RECK: variants seen among roughly 807,000 people sequenced by gnomAD.
RECK encodes reversion-inducing cysteine-rich protein with Kazal motifs.
RECK carries 69 observed loss-of-function variants against 115.1 expected under a neutral mutation model. The observed-to-expected ratio is 0.60, with a 90% confidence interval of 0.49 to 0.73. The LOEUF is 0.73. Among genes scored for constraint, RECK ranks in the 30% least tolerant of loss-of-function variants. The pLI is 0.00. For missense variants in RECK, 1,047 were observed against 1,203.7 expected (o/e 0.87, Z 1.93); for synonymous variants, 414 against 419.7 (o/e 0.99, Z 0.17).
intron 8 of RECK, among the ~76,000 whole-genome samples, chr9:36,084,584 A>G (rs1822867461): frequency 6.7e-6 from 1 of 149,614 alleles, no homozygotes; most frequent in Non-Finnish European, 1.5e-5. Flanking sequence ...AATCCCAGCT[A>G]CTCGGGAGGC....
intron 10 of RECK, among the ~76,000 whole-genome samples, chr9:36,095,937 A>T (rs1254022719): frequency 1.3e-5 from 2 of 150,574 alleles, no homozygotes; most frequent in Non-Finnish European, 3.0e-5. Context: ...TTAGCCAGGC[A>T]TGGTGGCGGG....
intron 17 of RECK, 87 bp downstream of exon 17, chr9:36,117,264 C>T: frequency 9.3e-7 from 1 of 1,070,232 alleles, no homozygotes; most frequent in Non-Finnish European, 1.3e-6. Context: ...GTAAGACCAG[C>T]CGAGGGTCTT....
intron 18 of RECK, among the ~76,000 whole-genome samples, chr9:36,120,160 G>A (rs969072182): frequency 4.6e-5 from 7 of 151,992 alleles, no homozygotes; most frequent in African/African-American, 1.5e-4. Flanking sequence ...GCATGAACCC[G>A]GGAGGCGGAG....
At chr9:36,037,134 G>C in intron 1 of RECK, 36 bp downstream of exon 1, 1 of 1,238,004 alleles carries the variant, frequency 8.1e-7, no homozygotes, top group Non-Finnish European at 1.0e-6. Flanking sequence ...CGAAGCTGTC[G>C]GGAGCGGCCG....
chr9:36,110,246 A>G (rs991643032), intron 15 of RECK, among the ~76,000 whole-genome samples, 167 bp downstream of exon 15: 16 of 152,222 alleles, frequency 1.1e-4, no homozygotes, highest in African/African-American at 3.9e-4. Context: ...TTCTTCCTCT[A>G]TGAATTGAAG....
intron 4 of RECK, among the ~76,000 whole-genome samples, chr9:36,061,590 A>C (rs1163058384): frequency 1.3e-5 from 2 of 152,322 alleles, no homozygotes; most frequent in East Asian, 3.9e-4. Flanking sequence ...AGTATGTTCT[A>C]AGAGGCCACT....
At chr9:36,078,250 A>G (rs1340917736) in intron 6 of RECK, among the ~76,000 whole-genome samples, 1 of 152,220 alleles carries the variant, frequency 6.6e-6, no homozygotes, top group East Asian at 1.9e-4. Context: ...CTTCTATTAA[A>G]TAAGGAAGTT....
At position 36,056,141 on chromosome 9, in the gene RECK, T is replaced by C. The variant is rs370854355; in HGVS notation, c.160-2686T>C. Among the ~76,000 whole-genome samples, 72 of 152,234 alleles carry C rather than the reference T, an allele frequency of 4.7e-4. 1 individual carries two copies. In the South Asian group the frequency reaches 0.015, roughly 31 times the overall value. ...GTGTTTCATTTAAATCTCCTTTTACTTTCCCCACTATACTGAGGCAAATTT... is the reference window on the plus strand; with the variant it reads ...GTGTTTCATTTAAATCTCCTTTTACCTTCCCCACTATACTGAGGCAAATTT... On this transcript the variant is annotated intron_variant, in intron 2 of 20. Coordinates refer to ENST00000377966, the MANE Select transcript of RECK (RefSeq NM_021111.3).
chr9:36,060,962 T>G (rs1230089332), intron 4 of RECK, among the ~76,000 whole-genome samples: 1 of 152,206 alleles, frequency 6.6e-6, no homozygotes, highest in Non-Finnish European at 1.5e-5. Context: ...TCCTTGTTCT[T>G]TCTAGTTCCA....
At chr9:36,082,123 T>TA (rs1822725620) in intron 7 of RECK, among the ~76,000 whole-genome samples, 1 of 149,774 alleles carries the variant, frequency 6.7e-6, no homozygotes, top group Non-Finnish European at 1.5e-5. Flanking sequence ...TATCTATCCC[T>TA]AATAATTATC....
At chr9:36,065,312 T>C (rs1451918030) in intron 5 of RECK, among the ~76,000 whole-genome samples, 2 of 148,384 alleles carry the variant, frequency 1.3e-5, no homozygotes, top group Admixed American at 6.7e-5. Context: ...ACAAAAGGAC[T>C]GTGTTGTTAT....
At chr9:36,120,892 G>A (rs527874843) in intron 19 of RECK, among the ~76,000 whole-genome samples, 156 bp downstream of exon 19, 3 of 152,264 alleles carry the variant, frequency 2.0e-5, no homozygotes, top group Non-Finnish European at 4.4e-5. Context: ...TCAGTAGGAC[G>A]AGGGTTTGCA....
chr9:36,079,523 T>C (rs1822594878), intron 6 of RECK, among the ~76,000 whole-genome samples: 1 of 152,172 alleles, frequency 6.6e-6, no homozygotes, highest in Non-Finnish European at 1.5e-5. Context: ...ATTCCTACAA[T>C]GGAATATTAT....
At chr9:36,073,249 C>CAG (rs1046985988) in intron 6 of RECK, among the ~76,000 whole-genome samples, 3 of 146,998 alleles carry the variant, frequency 2.0e-5, no homozygotes, top group Non-Finnish European at 4.4e-5. Context: ...CAGACACACA[C>CAG]ACACACACAC....
At position 36,091,251 on chromosome 9, in the gene RECK, G is replaced by A; in HGVS notation, c.993G>A (p.Val331=). Residue 331 remains valine (V), a synonymous_variant, in exon 10 of 21, where the codon GTG becomes GTA. Coordinates refer to ENST00000377966, the MANE Select transcript of RECK (RefSeq NM_021111.3). ...ATCGCTTTTGTGAATATAATCCAGT[G>A]GAAGTGTCCATGTTGACCTGTTTAG... is the stretch of plus-strand genomic sequence containing the variant. ...EFDRFCEYNP[V]EVSMLTCLAD... is the part of the protein sequence containing the mutation. The A allele has an allele frequency of 1.2e-6, 2 of 1,613,664 alleles. No homozygotes were observed. Among genetic ancestry groups the A allele is most frequent in the Non-Finnish European group, 1.7e-6 (2 of 1,179,826 alleles).
At position 36,036,945 on chromosome 9, in the gene RECK, T is replaced by TGCGGCCAAGCTGGGTCCGAGCATCCC. The variant is rs1423612496; in HGVS notation, c.-48_-23dup. The TGCGGCCAAGCTGGGTCCGAGCATCCC allele has an allele frequency of 8.4e-7, 1 of 1,191,128 alleles. No individual in the cohort carries two copies. Among genetic ancestry groups the TGCGGCCAAGCTGGGTCCGAGCATCCC allele is most frequent in the Non-Finnish European group, 1.1e-6 (1 of 932,416 alleles). 73.8% of individuals were successfully genotyped at this position (1,191,128 alleles called of 1,614,324 possible). ...CGGCGGCGGTAGCGGCGGCAGCGGCTGCGGCCAAGCTGGGTCCGAGCATCC... is the reference window on the plus strand; with the variant it reads ...CGGCGGCGGTAGCGGCGGCAGCGGCTGCGGCCAAGCTGGGTCCGAGCATCCCGCGGCCAAGCTGGGTCCGAGCATCC... On this transcript the variant is annotated 5_prime_UTR_variant, in exon 1 of 21. Transcript: ENST00000377966.
intron 6 of RECK, chr9:36,066,648 T>G: frequency 2.6e-6 from 1 of 388,446 alleles, no homozygotes; most frequent in Non-Finnish European, 4.2e-6. Context: ...TAAAAGATCT[T>G]TATTTTCTTA....
intron 1 of RECK, among the ~76,000 whole-genome samples, chr9:36,046,127 T>C (rs1821064121): frequency 6.6e-6 from 1 of 152,216 alleles, no homozygotes; most frequent in African/African-American, 2.4e-5. Context: ...TTCCATTTTA[T>C]GAAAATAAGC....
chr9:36,046,148 A>G (rs1821064890), intron 1 of RECK, among the ~76,000 whole-genome samples: 2 of 152,176 alleles, frequency 1.3e-5, no homozygotes, highest in Non-Finnish European at 2.9e-5. Flanking sequence ...AGAGTTTTAA[A>G]CTATTATTCT....
Sources: allele counts gnomAD v4.1 joint callset (sites outside exome capture counted in the v4.1 genomes callset), GRCh38; gene constraint gnomAD v4.1.1; transcripts MANE v1.5; gene names NCBI Gene and HGNC (gene_info 2026-07-23, HGNC 2026-07-21).